Variants in NRG1 observed in about 807,000 individuals in gnomAD.
The protein encoded by NRG1 is neuregulin 1.
A neutral mutation model predicts 63.8 loss-of-function variants in NRG1; 18 were observed. That is an observed-to-expected ratio of 0.28 (90% CI 0.19 to 0.42). NRG1 has a LOEUF of 0.42. NRG1 is among the 10% of genes least tolerant of loss of function. NRG1 has a pLI of 1.00. For missense variants in NRG1, 762 were observed against 814.7 expected (o/e 0.94, Z 0.79); for synonymous variants, 302 against 301.3 (o/e 1.00, Z -0.02).
intron 1 of NRG1, among the ~76,000 whole-genome samples, chr8:32,019,853 G>A (rs1816157863): frequency 1.3e-5 from 2 of 152,098 alleles, no homozygotes; most frequent in Non-Finnish European, 2.9e-5. Flanking sequence ...ATACCTGTGG[G>A]TCTCCAGGTC....
At chr8:31,849,551 GC>G (rs1044203628) in intron 1 of NRG1, among the ~76,000 whole-genome samples, 1 of 152,112 alleles carries the variant, frequency 6.6e-6, no homozygotes, top group African/African-American at 2.4e-5. Context: ...TTTTATCCTT[GC>G]CCCCTATTTC....
chr8:32,757,286 C>T (rs745970714), intron 9 of NRG1, among the ~76,000 whole-genome samples: 17 of 152,058 alleles, frequency 1.1e-4, no homozygotes, highest in African/African-American at 2.4e-4. Flanking sequence ...GGGCCAGAGC[C>T]GCACCATCTC....
intron 1 of NRG1, among the ~76,000 whole-genome samples, chr8:31,949,588 C>A (rs867569715): frequency 3.3e-5 from 5 of 152,146 alleles, no homozygotes; most frequent in Non-Finnish European, 2.9e-5. Context: ...CCTGTGTTTC[C>A]TCTGGAATCA....
At chr8:31,713,589 C>T (rs1264642011) in intron 1 of NRG1, among the ~76,000 whole-genome samples, 1 of 152,118 alleles carries the variant, frequency 6.6e-6, no homozygotes, top group Non-Finnish European at 1.5e-5. Context: ...TTTCCTTTTG[C>T]TTCTATCAGA....
intron 3 of NRG1, among the ~76,000 whole-genome samples, chr8:32,610,807 T>C (rs529851502): frequency 2.6e-5 from 4 of 152,282 alleles, no homozygotes; most frequent in African/African-American, 9.6e-5. Flanking sequence ...CAAAGACCAG[T>C]TGGGTTTTCA....
At chr8:32,546,822 G>A (rs1440208520), upstream of NRG1, among the ~76,000 whole-genome samples, 1 of 152,170 alleles carries the variant, frequency 6.6e-6, no homozygotes, top group Non-Finnish European at 1.5e-5. Context: ...TAAAATTAGT[G>A]TGATTTTAGG....
intron 7 of NRG1, among the ~76,000 whole-genome samples, chr8:32,746,639 T>C: frequency 6.6e-6 from 1 of 152,132 alleles, no homozygotes; most frequent in Non-Finnish European, 1.5e-5. Flanking sequence ...ATTAATTTTT[T>C]ATATTGCTCA....
intron 5 of NRG1, among the ~76,000 whole-genome samples, chr8:32,634,318 A>T (rs1055571819): frequency 1.3e-5 from 2 of 152,118 alleles, no homozygotes; most frequent in Admixed American, 6.5e-5. Context: ...TAAAACTCTT[A>T]AAAAAATGAA....
intron 1 of NRG1, among the ~76,000 whole-genome samples, chr8:32,070,891 G>A (rs59782938): frequency 0.027 from 4,051 of 152,156 alleles, 186 homozygotes; most frequent in African/African-American, 0.09. Flanking sequence ...ATGTCTTCTG[G>A]TATCACATTC....
chr8:31,773,583 A>G (rs1818836959), intron 1 of NRG1, among the ~76,000 whole-genome samples: 10 of 152,238 alleles, frequency 6.6e-5, no homozygotes, highest in Admixed American at 5.9e-4. Flanking sequence ...CACAACAGCC[A>G]GAGGGATCTT....
In NRG1 at chr8:32,648,409, G is replaced by A. The variant is rs556434034; in HGVS notation, c.502+31524G>A. 5.0e-6 allele frequency: 8 copies of A among 1,599,702 alleles called. No homozygotes were observed. In the South Asian group the frequency reaches 6.7e-5, roughly 13 times the overall value. ...TGTAAGTAGAGAGAGAGAGAGAGAC[G>A]ATGATGATGATGAATAAAAGGGGTG... is the stretch of plus-strand genomic sequence containing the variant. On this transcript the variant is annotated intron_variant, in intron 5 of 11. Coordinates refer to ENST00000356819, the Ensembl canonical transcript of NRG1.
chr8:31,661,427 A>C (rs1805980837), intron 1 of NRG1, among the ~76,000 whole-genome samples: 1 of 152,202 alleles, frequency 6.6e-6, no homozygotes, highest in Non-Finnish European at 1.5e-5. Flanking sequence ...TTAACCTTAT[A>C]TTTCTGTAGA....
intron 1 of NRG1, among the ~76,000 whole-genome samples, chr8:31,729,139 G>T (rs985338062): frequency 1.3e-5 from 2 of 152,136 alleles, no homozygotes; most frequent in African/African-American, 4.8e-5. Context: ...TTTGCTTTCA[G>T]TGATATATGT....
chr8:32,247,029 C>G (rs1308487774), intron 1 of NRG1, among the ~76,000 whole-genome samples: 1 of 151,966 alleles, frequency 6.6e-6, no homozygotes, highest in African/African-American at 2.4e-5. Flanking sequence ...TTTAATTATT[C>G]CACATGGTAG....
Position 31,800,408 on chromosome 8 carries a change from C to T in NRG1, c.37+160977C>T, listed in dbSNP as rs192800489. On this transcript the variant is annotated intron_variant, in intron 1 of 10. Coordinates refer to the NRG1 transcript ENST00000519301. ...TATCTTTGGAATCATTTTCAGCCAC[C>T]GTAGTAAGTTGTACGTGCTTGAGTG... 7.2e-5 allele frequency among the ~76,000 whole-genome samples: 11 copies of T among 152,226 alleles called. 1 individual carries two copies. The highest frequency in any genetic ancestry group is 5.2e-4 in the Admixed American group (8 of 15,288).
chr8:32,541,084 T>C (rs1294491672), intron 1 of NRG1, among the ~76,000 whole-genome samples: 1 of 152,088 alleles, frequency 6.6e-6, no homozygotes, highest in Non-Finnish European at 1.5e-5. Context: ...TTCCCAAACA[T>C]ATAGTGTGTT....
At chr8:31,951,446 G>T (rs1803449476) in intron 1 of NRG1, among the ~76,000 whole-genome samples, 1 of 152,044 alleles carries the variant, frequency 6.6e-6, no homozygotes, top group African/African-American at 2.4e-5. Context: ...CCCTCCTCTA[G>T]GGAAAAAAAA....
chr8:32,038,845 A>G (rs1157756425), intron 1 of NRG1, among the ~76,000 whole-genome samples: 1 of 152,068 alleles, frequency 6.6e-6, no homozygotes, highest in African/African-American at 2.4e-5. Context: ...GTTCAAATTC[A>G]TTTTGCTTGC....
chr8:32,190,157 A>G (rs1842348218), intron 1 of NRG1, among the ~76,000 whole-genome samples: 1 of 151,546 alleles, frequency 6.6e-6, no homozygotes, highest in South Asian at 2.1e-4. Flanking sequence ...GTCTGCCTAA[A>G]TCCTTTTATC....
Sources: allele counts gnomAD v4.1 joint callset (sites outside exome capture counted in the v4.1 genomes callset), GRCh38; gene constraint gnomAD v4.1.1; transcripts MANE v1.5; gene names NCBI Gene and HGNC (gene_info 2026-07-23, HGNC 2026-07-21).